The following SLIT1 variants were observed in gnomAD, a reference collection of about 807,000 sequenced individuals.
SLIT1 encodes the protein slit guidance ligand 1.
In SLIT1, 66 loss-of-function variants were observed where a neutral mutation model predicts 186.1. The ratio of observed to expected loss-of-function variants is 0.35; its 90% confidence interval spans 0.29 to 0.44. The LOEUF is 0.44. Ranked by LOEUF, SLIT1 falls within the 20% of genes least tolerant of loss-of-function variation. The pLI is 1.00. For synonymous variants in SLIT1, 761 were observed against 833.8 expected (o/e 0.91, Z 1.50); for missense variants, 1,638 against 2,037.4 (o/e 0.80, Z 3.77).
intron 1 of SLIT1, among the ~76,000 whole-genome samples, chr10:97,176,663 C>T (rs1483154144): frequency 6.6e-6 from 1 of 152,198 alleles, no homozygotes; most frequent in Non-Finnish European, 1.5e-5. Context: ...TGGACCTCCT[C>T]CTCAGACAGA....
intron 3 of SLIT1, among the ~76,000 whole-genome samples, chr10:97,162,063 A>G (rs1850034892): frequency 6.6e-6 from 1 of 152,208 alleles, no homozygotes; most frequent in Non-Finnish European, 1.5e-5. Flanking sequence ...AAAGAGAAAA[A>G]CACAAAGAAT....
At chr10:97,166,559 G>GGAAGGAAGGAA (rs1564692706) in intron 1 of SLIT1, among the ~76,000 whole-genome samples, 3 of 56,028 alleles carry the variant, frequency 5.4e-5, no homozygotes, top group African/African-American at 1.3e-4. Flanking sequence ...AGGAAGGAAA[G>GGAAGGAAGGAA]AGAGAGAGAG....
At chr10:97,063,426 T>C in intron 8 of SLIT1, 29 bp downstream of exon 8, 2 of 1,611,494 alleles carry the variant, frequency 1.2e-6, no homozygotes, top group South Asian at 1.1e-5. Context: ...CGCCGGACAG[T>C]TGAGAGCCCG....
intron 3 of SLIT1, among the ~76,000 whole-genome samples, chr10:97,159,318 G>T (rs1407940648): frequency 6.6e-6 from 1 of 152,190 alleles, no homozygotes; most frequent in East Asian, 1.9e-4. Context: ...GTCAACTTTT[G>T]CAGACCCACT....
At position 97,100,632 on chromosome 10, in the gene SLIT1, C is replaced by CA. The variant is rs10666094; in HGVS notation, c.414-34547dup. 1.6e-3 allele frequency among the ~76,000 whole-genome samples: 224 copies of CA among 142,050 alleles called. 1 individual carries two copies. Among genetic ancestry groups the CA allele is most frequent in the East Asian group, 8.1e-3 (40 of 4,942 alleles). The allele number at this position is 142,050 out of a possible 152,430, so 93.2% of individuals were successfully genotyped here. ...CCTGGGCAACAGCGAGACTCTGTCT[C>CA]AAAAAAAAAAAAATTGAAACAATAA... is the stretch of plus-strand genomic sequence containing the variant. On this transcript the variant is annotated intron_variant, in intron 4 of 36. Transcript: ENST00000266058.
At chr10:97,114,937 C>G (rs530259279) in intron 4 of SLIT1, among the ~76,000 whole-genome samples, 137 of 152,212 alleles carry the variant, frequency 9.0e-4, no homozygotes, top group African/African-American at 3.2e-3. Flanking sequence ...GATGGAAAAC[C>G]CTTAGCACAT....
chr10:97,036,569 A>G (rs1444045090), intron 22 of SLIT1, among the ~76,000 whole-genome samples: 1 of 152,266 alleles, frequency 6.6e-6, no homozygotes, highest in Non-Finnish European at 1.5e-5. Flanking sequence ...TTTCCATAGC[A>G]AGACTTTCTC....
Position 97,002,157 on chromosome 10 carries a change from C to T in SLIT1, c.4366+1G>A. The T allele has an allele frequency of 1.4e-6, 2 of 1,450,488 alleles. No individual in the cohort carries two copies. Among genetic ancestry groups the T allele is most frequent in the Non-Finnish European group, 1.8e-6 (2 of 1,094,540 alleles). 89.9% of individuals were successfully genotyped at this position (1,450,488 alleles called of 1,614,324 possible). On this transcript the variant is annotated splice_donor_variant, in intron 36 of 36. Coordinates refer to ENST00000266058, the MANE Select transcript of SLIT1 (RefSeq NM_003061.3). LOFTEE classifies it high-confidence loss of function. ...GGCACGTCAGGAGGGGGGCCCCTGA[C>T]CTTGCTCACACAGCTCGCCCGAAAA...
At chr10:97,058,475 C>T (rs1373327088) in intron 11 of SLIT1, among the ~76,000 whole-genome samples, 1 of 152,210 alleles carries the variant, frequency 6.6e-6, no homozygotes, top group African/African-American at 2.4e-5. Flanking sequence ...TGGCAGGCCA[C>T]CTTCAGAATC....
chr10:97,032,496 G>A (rs1848600124), intron 23 of SLIT1, among the ~76,000 whole-genome samples: 1 of 151,656 alleles, frequency 6.6e-6, no homozygotes, highest in Non-Finnish European at 1.5e-5. Context: ...TTGAATCTGG[G>A]AGGCAGAGGT....
intron 20 of SLIT1, 88 bp from the exon 21 acceptor site, chr10:97,040,208 TCAGAA>T (rs2134619293): frequency 4.4e-6 from 6 of 1,353,544 alleles, no homozygotes; most frequent in Non-Finnish European, 5.9e-6. Flanking sequence ...CTGGGGCCTC[TCAGAA>T]CAGAAGACCC....
intron 4 of SLIT1, among the ~76,000 whole-genome samples, chr10:97,076,550 C>A (rs550276192): frequency 6.6e-6 from 1 of 151,768 alleles, no homozygotes; most frequent in East Asian, 1.9e-4. Flanking sequence ...GCCCATGAAA[C>A]AACACTCAAG....
intron 1 of SLIT1, among the ~76,000 whole-genome samples, chr10:97,170,536 G>A (rs1211099322): frequency 6.6e-6 from 1 of 152,188 alleles, no homozygotes; most frequent in Non-Finnish European, 1.5e-5. Flanking sequence ...AGGAGTCAGA[G>A]ACTCACTTCC....
intron 4 of SLIT1, among the ~76,000 whole-genome samples, chr10:97,087,910 C>A (rs2817686): frequency 6.6e-6 from 1 of 151,882 alleles, no homozygotes; most frequent in African/African-American, 2.4e-5. Flanking sequence ...CCAAAGTTTG[C>A]TAAGAAAATG....
intron 1 of SLIT1, among the ~76,000 whole-genome samples, chr10:97,174,677 C>A (rs1418478968): frequency 6.6e-6 from 1 of 152,166 alleles, no homozygotes; most frequent in Non-Finnish European, 1.5e-5. Context: ...GTATCCCAAC[C>A]AAGCCAGCTC....
chr10:97,084,923 C>G (rs1849142181), intron 4 of SLIT1, among the ~76,000 whole-genome samples: 1 of 92,400 alleles, frequency 1.1e-5, no homozygotes, highest in African/African-American at 2.9e-5. Context: ...ACTTTTCTTT[C>G]CTTTTTTTTT....
intron 4 of SLIT1, among the ~76,000 whole-genome samples, chr10:97,072,699 G>C (rs1849010931): frequency 6.6e-6 from 1 of 152,204 alleles, no homozygotes; most frequent in Non-Finnish European, 1.5e-5. Context: ...GAGGAAAACA[G>C]GTGAACCTTG....
chr10:97,010,114 G>A lies in SLIT1; in HGVS notation c.3341+879C>T, dbSNP rs1035144885. On this transcript the variant is annotated intron_variant, in intron 31 of 36. Transcript: ENST00000266058. The surrounding 1 kb of genome is among the most constrained non-coding windows in gnomAD (Gnocchi z 4.8). ...ACACAAAAACCTGTACAAAAATGTC[G>A]ATAAGATCAGTCTTCATTATAGCCA... 1.2e-4 allele frequency among the ~76,000 whole-genome samples: 18 copies of A among 152,186 alleles called. No homozygotes were observed. Among genetic ancestry groups the A allele is most frequent in the Admixed American group, 1.1e-3 (17 of 15,288 alleles).
chr10:97,069,488 G>A (rs1011378345), intron 4 of SLIT1, among the ~76,000 whole-genome samples: 6 of 152,358 alleles, frequency 3.9e-5, no homozygotes, highest in East Asian at 1.9e-4. Flanking sequence ...CTTTCATGGG[G>A]TGTACATGCC....
Sources: gnomAD v4.1 joint callset for allele counts (sites outside exome capture counted in the v4.1 genomes callset) on GRCh38, gnomAD v4.1.1 for gene constraint, Gnocchi (gnomAD v3.1) non-coding constraint, MANE v1.5 for transcripts, NCBI Gene and HGNC (gene_info 2026-07-23, HGNC 2026-07-21) for gene names.